STXBP5L: variants seen among roughly 807,000 people sequenced by gnomAD.
STXBP5L encodes the protein syntaxin-binding protein 5-like.
STXBP5L carries 65 observed loss-of-function variants against 144.5 expected under a neutral mutation model. The observed-to-expected ratio is 0.45, with a 90% CI of 0.37 to 0.55. The LOEUF (loss-of-function observed/expected upper bound fraction) is 0.55, where lower values mean the gene tolerates loss of function less well. Among genes scored for constraint, STXBP5L ranks in the 20% least tolerant of loss-of-function variants. The pLI, the probability that STXBP5L is intolerant of heterozygous loss-of-function variation, is 0.00. For missense variants in STXBP5L, 1,298 were observed against 1,405.5 expected, an observed-to-expected ratio of 0.92 and a Z score of 1.22; for synonymous variants, 505 against 469.6, an observed-to-expected ratio of 1.08 and a Z score of -0.97.
At chr3:121,193,472 G>A (rs1307503496) in intron 9 of STXBP5L, among the ~76,000 whole-genome samples, 1 of 151,722 alleles carries the variant, frequency 6.6e-6, no homozygotes, top group African/African-American at 2.4e-5. Context: ...CCATTACTGG[G>A]TATGTACCCA....
chr3:121,373,103 C>T (rs181212545), intron 20 of STXBP5L, among the ~76,000 whole-genome samples: 2 of 152,244 alleles, frequency 1.3e-5, no homozygotes. Flanking sequence ...AACAATGTAT[C>T]AGGTAGAAAA....
intron 20 of STXBP5L, among the ~76,000 whole-genome samples, chr3:121,350,478 T>C (rs1456005171): frequency 6.6e-6 from 1 of 152,166 alleles, no homozygotes; most frequent in Non-Finnish European, 1.5e-5. Flanking sequence ...TGGTGTTCTC[T>C]GTATTTCTTG....
chr3:120,971,714 A>G (rs1263714914), intron 3 of STXBP5L, among the ~76,000 whole-genome samples: 1 of 151,620 alleles, frequency 6.6e-6, no homozygotes, highest in Non-Finnish European at 1.5e-5. Context: ...AATAATACAT[A>G]TATGTACACA....
At chr3:121,163,707 G>A (rs28635737) in intron 9 of STXBP5L, among the ~76,000 whole-genome samples, 15,094 of 151,864 alleles carry the variant, frequency 0.099, 1,184 homozygotes, top group Admixed American at 0.2. Flanking sequence ...ATTACAGGCA[G>A]TTTGGAAGGT....
At chr3:121,155,541 A>T (rs542483714) in intron 8 of STXBP5L, among the ~76,000 whole-genome samples, 31 of 151,842 alleles carry the variant, frequency 2.0e-4, no homozygotes, top group Non-Finnish European at 4.4e-4. Flanking sequence ...CTAGTATTTT[A>T]TGTTTAAAAT....
intron 22 of STXBP5L, among the ~76,000 whole-genome samples, chr3:121,382,194 T>A (rs560723743): frequency 6.6e-6 from 1 of 152,082 alleles, no homozygotes; most frequent in Non-Finnish European, 1.5e-5. Context: ...GTTTCCTATA[T>A]AAGAAATTTT....
intron 3 of STXBP5L, among the ~76,000 whole-genome samples, chr3:120,975,157 G>C (rs559011469): frequency 1.3e-5 from 2 of 152,130 alleles, no homozygotes; most frequent in Non-Finnish European, 2.9e-5. Flanking sequence ...TCACGATATT[G>C]CTTCTTCCTA....
chr3:121,197,010 C>T (rs1175338809), intron 9 of STXBP5L, among the ~76,000 whole-genome samples: 1 of 151,980 alleles, frequency 6.6e-6, no homozygotes, highest in Non-Finnish European at 1.5e-5. Context: ...CTTCTCTTTT[C>T]CTTTCTTTAA....
chr3:121,027,729 G>T (rs1946055722), intron 3 of STXBP5L, among the ~76,000 whole-genome samples: 1 of 152,004 alleles, frequency 6.6e-6, no homozygotes, highest in Non-Finnish European at 1.5e-5. Context: ...CTCATGGTCA[G>T]CCAAACAGTG....
intron 10 of STXBP5L, among the ~76,000 whole-genome samples, chr3:121,213,345 G>A (rs775801138): frequency 6.6e-6 from 1 of 152,040 alleles, no homozygotes. Context: ...TTGGCTGTGG[G>A]TTTCTCATAA....
intron 20 of STXBP5L, among the ~76,000 whole-genome samples, chr3:121,353,586 A>C (rs548949042): frequency 6.6e-6 from 1 of 152,174 alleles, no homozygotes; most frequent in South Asian, 2.1e-4. Flanking sequence ...CTTCTGTATT[A>C]GTCTTGGTAG....
intron 2 of STXBP5L, among the ~76,000 whole-genome samples, chr3:120,923,575 T>C (rs557707650): frequency 6.6e-6 from 1 of 152,262 alleles, no homozygotes; most frequent in South Asian, 2.1e-4. Flanking sequence ...AATTTCCTTC[T>C]TAATTTTTTT....
chr3:121,257,179 C>A lies in STXBP5L; in HGVS notation c.1678C>A (p.Gln560Lys). The change falls in exon 17 of 27, where the codon CAG (glutamine) becomes AAG (lysine). Residue 560 changes from glutamine to lysine, a missense_variant. Physicochemically the swap from Gln to Lys is moderately conservative, Grantham distance 53. Coordinates refer to ENST00000471454, the MANE Select transcript of STXBP5L (RefSeq NM_001308330.2). ...TTTTAAGTCATTAGAGGTACGACTT[C>A]AGTATGATGTTGAAGATATTATTAC... ...TEIVSLEVRL[Q>K]YDVEDIITPE... 1 of 1,609,780 alleles carries A rather than the reference C, an allele frequency of 6.2e-7. No homozygotes were observed. The highest frequency in any genetic ancestry group is 1.1e-5 in the South Asian group (1 of 90,340).
chr3:120,986,817 A>G (rs1249285805), intron 3 of STXBP5L, among the ~76,000 whole-genome samples: 1 of 151,990 alleles, frequency 6.6e-6, no homozygotes, highest in African/African-American at 2.4e-5. Context: ...AAAAATTACC[A>G]GAACAATTCA....
At chr3:121,185,127 G>C (rs541085314) in intron 9 of STXBP5L, among the ~76,000 whole-genome samples, 4 of 152,082 alleles carry the variant, frequency 2.6e-5, no homozygotes, top group Non-Finnish European at 5.9e-5. Context: ...AAAGACCATC[G>C]ACACTCTGAA....
At chr3:120,958,704 G>A (rs1410925767) in intron 3 of STXBP5L, among the ~76,000 whole-genome samples, 24 of 151,910 alleles carry the variant, frequency 1.6e-4, no homozygotes, top group Admixed American at 1.1e-3. Context: ...AAATTCAACA[G>A]CCCTTCATGC....
At chr3:121,358,870 TTTTG>T (rs1178773502) in intron 20 of STXBP5L, among the ~76,000 whole-genome samples, 1 of 152,196 alleles carries the variant, frequency 6.6e-6, no homozygotes, top group Non-Finnish European at 1.5e-5. Context: ...ATGTAGCATG[TTTTG>T]TTTATTTATT....
intron 9 of STXBP5L, among the ~76,000 whole-genome samples, chr3:121,196,260 A>C (rs2047915272): frequency 1.3e-5 from 2 of 151,524 alleles, no homozygotes; most frequent in Admixed American, 6.6e-5. Flanking sequence ...CCCGGGTTCA[A>C]GCAATTCTCC....
intron 3 of STXBP5L, among the ~76,000 whole-genome samples, chr3:120,993,119 G>C (rs977921353): frequency 1.3e-5 from 2 of 151,738 alleles, no homozygotes; most frequent in Admixed American, 1.3e-4. Context: ...TGTCTGCCCT[G>C]GTCTTTTGCC....
Sources: gnomAD v4.1 joint callset for allele counts (sites outside exome capture counted in the v4.1 genomes callset) on GRCh38, gnomAD v4.1.1 for gene constraint, MANE v1.5 for transcripts, NCBI Gene and HGNC (gene_info 2026-07-23, HGNC 2026-07-21) for gene names.